Variants in TANC2 observed in about 807,000 individuals in gnomAD.
TANC2 encodes tetratricopeptide repeat, ankyrin repeat and coiled-coil containing 2.
A neutral mutation model predicts 210.5 loss-of-function variants in TANC2; 26 were observed. The observed-to-expected ratio is 0.12, with a 90% confidence interval of 0.09 to 0.17. The LOEUF (loss-of-function observed/expected upper bound fraction) is 0.17. TANC2 is among the 10% of genes least tolerant of loss of function. The pLI is 1.00. For missense variants in TANC2, 2,129 were observed against 2,608.9 expected, an observed-to-expected ratio of 0.82 and a Z score of 4.01; for synonymous variants, 931 against 967.1, an observed-to-expected ratio of 0.96 and a Z score of 0.69.
At chr17:63,277,830 A>G (rs865960068) in intron 9 of TANC2, among the ~76,000 whole-genome samples, 4 of 152,028 alleles carry the variant, frequency 2.6e-5, no homozygotes, top group Non-Finnish European at 4.4e-5. Context: ...AATTATTTCT[A>G]TGCCAGATGA....
chr17:63,218,878 G>A (rs1319186129), intron 7 of TANC2, among the ~76,000 whole-genome samples: 1 of 151,908 alleles, frequency 6.6e-6, no homozygotes, highest in Non-Finnish European at 1.5e-5. Context: ...TGGGCAACAA[G>A]AGCGAGACTC....
At chr17:63,226,760 C>T (rs2145973224) in intron 7 of TANC2, among the ~76,000 whole-genome samples, 1 of 152,280 alleles carries the variant, frequency 6.6e-6, no homozygotes, top group East Asian at 1.9e-4. Flanking sequence ...CCTCCCCTCA[C>T]CTTCCCTGAC....
At chr17:63,027,573 A>G (rs1378749692) in intron 2 of TANC2, among the ~76,000 whole-genome samples, 1 of 152,052 alleles carries the variant, frequency 6.6e-6, no homozygotes, top group Admixed American at 6.6e-5. Context: ...GCTTTTGCAA[A>G]TTTATGGTAT....
chr17:63,017,997 A>G (rs1209568142), intron 2 of TANC2, among the ~76,000 whole-genome samples: 1 of 152,072 alleles, frequency 6.6e-6, no homozygotes, highest in East Asian at 1.9e-4. Context: ...ATTAAAAAAT[A>G]GCCAGACATG....
At chr17:63,200,932 T>C in exon 7 of TANC2, 1 of 1,610,602 alleles carries the variant, frequency 6.2e-7, no homozygotes, top group Non-Finnish European at 8.5e-7. Flanking sequence ...CCTCTACCCT[T>C]GAAAGCAGAG....
intron 14 of TANC2, among the ~76,000 whole-genome samples, chr17:63,375,215 A>G (rs2047388076): frequency 6.6e-6 from 1 of 152,198 alleles, no homozygotes; most frequent in Non-Finnish European, 1.5e-5. Context: ...CAGTGTACTG[A>G]TCAGAACCAT....
intron 6 of TANC2, among the ~76,000 whole-genome samples, chr17:63,196,649 C>T (rs959930396): frequency 4.6e-5 from 7 of 152,152 alleles, no homozygotes; most frequent in Admixed American, 4.6e-4. Flanking sequence ...GCCATTGAAC[C>T]AGGAGGGAGA....
At chr17:63,415,478 A>G in intron 25 of TANC2, 50 bp from the exon 26 acceptor site, 5 of 1,601,690 alleles carry the variant, frequency 3.1e-6, no homozygotes, top group Non-Finnish European at 4.3e-6. Flanking sequence ...ACACTTCCTC[A>G]GCTGTTCAGC....
intron 1 of TANC2, among the ~76,000 whole-genome samples, chr17:62,991,658 AAAAC>A (rs1011701013): frequency 9.9e-5 from 15 of 151,934 alleles, no homozygotes; most frequent in African/African-American, 1.7e-4. Context: ...AAAAAACAAA[AAAAC>A]AAACAAAAAA....
At chr17:63,416,840 G>A (rs1409469095) in intron 26 of TANC2, among the ~76,000 whole-genome samples, 2 of 152,236 alleles carry the variant, frequency 1.3e-5, no homozygotes, top group Non-Finnish European at 2.9e-5. Context: ...CCCGGGAAGG[G>A]AGAAGGTGGC....
chr17:63,144,914 T>G (rs2039414391), intron 4 of TANC2, among the ~76,000 whole-genome samples: 1 of 152,082 alleles, frequency 6.6e-6, no homozygotes. Flanking sequence ...GATAGTTACT[T>G]TCTCAGAATT....
chr17:63,273,309 T>A (rs1353952573), intron 9 of TANC2, among the ~76,000 whole-genome samples: 1 of 152,062 alleles, frequency 6.6e-6, no homozygotes, highest in African/African-American at 2.4e-5. Flanking sequence ...AAAAAATTAT[T>A]GAGCTTATAT....
chr17:63,036,608 A>G (rs149477855), intron 2 of TANC2, among the ~76,000 whole-genome samples: 1,805 of 152,248 alleles, frequency 0.012, 31 homozygotes, highest in African/African-American at 0.041. Flanking sequence ...GCTTTTCTAT[A>G]TAAATTTTAG....
chr17:63,066,755 T>C (rs911250244), intron 2 of TANC2, among the ~76,000 whole-genome samples: 1 of 152,110 alleles, frequency 6.6e-6, no homozygotes, highest in African/African-American at 2.4e-5. Context: ...CTTTTTTTTT[T>C]TTCATTCTTC....
At position 63,245,709 on chromosome 17, in the gene TANC2, G is replaced by A. The variant is rs140308813; in HGVS notation, c.1033+7632G>A. On this transcript the variant is annotated intron_variant, in intron 8 of 27. Transcript: ENST00000689528. ...TACAAAAACTTAGCTGGGCGTGGTG[G>A]CAGGGGCCTGTAATCCCAGCTACTC... Among the ~76,000 whole-genome samples the A allele has an allele frequency of 7.6e-3, 1,159 of 152,146 alleles. 15 individuals carry two copies. Among genetic ancestry groups the A allele is most frequent in the African/African-American group, 0.026 (1,074 of 41,490 alleles).
chr17:63,111,917 G>T (rs1274801191), intron 4 of TANC2, among the ~76,000 whole-genome samples: 1 of 151,986 alleles, frequency 6.6e-6, no homozygotes, highest in Non-Finnish European at 1.5e-5. Context: ...GTAGAGACGG[G>T]GTTTCACCAT....
chr17:63,269,087 C>A (rs753257123), intron 9 of TANC2, among the ~76,000 whole-genome samples: 1 of 152,148 alleles, frequency 6.6e-6, no homozygotes, highest in Non-Finnish European at 1.5e-5. Context: ...TTATACATGT[C>A]TGCTGTCCAC....
chr17:63,251,713 T>A (rs1181436280), intron 8 of TANC2, among the ~76,000 whole-genome samples: 1 of 152,204 alleles, frequency 6.6e-6, no homozygotes. Context: ...CCAGAGCTAT[T>A]GCATTTGATA....
chr17:63,051,062 A>G (rs1365212754), intron 2 of TANC2, among the ~76,000 whole-genome samples: 2 of 152,186 alleles, frequency 1.3e-5, no homozygotes, highest in Non-Finnish European at 2.9e-5. Flanking sequence ...TGCCAAGGTT[A>G]TCTTTTGAAA....
Sources: gnomAD v4.1 joint callset for allele counts (sites outside exome capture counted in the v4.1 genomes callset) on GRCh38, gnomAD v4.1.1 for gene constraint, MANE v1.5 for transcripts, NCBI Gene and HGNC (gene_info 2026-07-23, HGNC 2026-07-21) for gene names.